SLC8A1: variants seen among roughly 807,000 people sequenced by gnomAD.
SLC8A1 encodes the protein solute carrier family 8 member A1.
In SLC8A1, 18 loss-of-function variants were observed where a neutral mutation model predicts 68.3. That is an observed-to-expected ratio of 0.26 (90% CI 0.18 to 0.39). The LOEUF (loss-of-function observed/expected upper bound fraction) is 0.39, where lower values mean the gene tolerates loss of function less well. Ranked by LOEUF, SLC8A1 falls within the 10% of genes least tolerant of loss-of-function variation. SLC8A1 has a pLI of 1.00. For missense variants in SLC8A1, 985 were observed against 1,156.7 expected (o/e 0.85, Z 2.15); for synonymous variants, 475 against 415.5 (o/e 1.14, Z -1.74).
At chr2:40,272,349 AAGGGAGATAAGG>A (rs2066149936) in intron 2 of SLC8A1, among the ~76,000 whole-genome samples, 1 of 152,124 alleles carries the variant, frequency 6.6e-6, no homozygotes, top group Non-Finnish European at 1.5e-5. Context: ...CCATTATGTG[AAGGGAGATAAGG>A]AGGGAGAAAG....
chr2:40,379,690 A>G (rs1317044804), intron 2 of SLC8A1, among the ~76,000 whole-genome samples: 2 of 151,150 alleles, frequency 1.3e-5, no homozygotes, highest in African/African-American at 4.9e-5. Flanking sequence ...CCGCATCACC[A>G]TCACCTTTGG....
At chr2:40,142,140 C>G (rs10205502) in intron 6 of SLC8A1, among the ~76,000 whole-genome samples, 30,035 of 152,106 alleles carry the variant, frequency 0.2, 3,199 homozygotes, top group African/African-American at 0.27. Context: ...GTTTCTATTA[C>G]CTACTCTTTT....
At chr2:40,509,132 C>G (rs1706544861) in intron 1 of SLC8A1, among the ~76,000 whole-genome samples, 1 of 152,162 alleles carries the variant, frequency 6.6e-6, no homozygotes, top group Non-Finnish European at 1.5e-5. Flanking sequence ...AATTTTCTTC[C>G]AATACCTTGT....
At chr2:40,363,139 C>T (rs970901557) in intron 2 of SLC8A1, among the ~76,000 whole-genome samples, 10 of 152,164 alleles carry the variant, frequency 6.6e-5, no homozygotes, top group African/African-American at 2.4e-4. Flanking sequence ...AAAGGTTTTA[C>T]TACTGAAGGT....
At chr2:40,294,457 C>A (rs938916827) in intron 2 of SLC8A1, among the ~76,000 whole-genome samples, 5 of 151,822 alleles carry the variant, frequency 3.3e-5, no homozygotes, top group African/African-American at 9.7e-5. Context: ...ATTCAGACAG[C>A]CATTAAAAAA....
intron 2 of SLC8A1, among the ~76,000 whole-genome samples, chr2:40,267,560 A>G (rs1395839179): frequency 1.3e-5 from 2 of 152,150 alleles, no homozygotes; most frequent in Non-Finnish European, 2.9e-5. Flanking sequence ...AAAGCAGGAA[A>G]TATGTGTATT....
chr2:40,315,254 T>A (rs2074278473), intron 2 of SLC8A1, among the ~76,000 whole-genome samples: 1 of 151,996 alleles, frequency 6.6e-6, no homozygotes. Flanking sequence ...GATGATCATA[T>A]GTTTTCCCTT....
chr2:40,115,236 T>A, exon 8 of SLC8A1: 1 of 1,544,756 alleles, frequency 6.5e-7, no homozygotes, highest in Non-Finnish European at 8.7e-7. Context: ...ATAAATTTAC[T>A]ATATCTGATA....
intron 2 of SLC8A1, among the ~76,000 whole-genome samples, chr2:40,281,930 A>G (rs2067587121): frequency 6.6e-6 from 1 of 152,142 alleles, no homozygotes; most frequent in African/African-American, 2.4e-5. Flanking sequence ...TCCTGGATTT[A>G]TCCTAATCTA....
intron 1 of SLC8A1, among the ~76,000 whole-genome samples, chr2:40,492,205 C>T (rs1483203496): frequency 6.6e-6 from 1 of 152,100 alleles, no homozygotes; most frequent in Non-Finnish European, 1.5e-5. Flanking sequence ...CTACAACTAT[C>T]TGATCTTTGA....
At chr2:40,327,700 A>G (rs72943142) in intron 2 of SLC8A1, among the ~76,000 whole-genome samples, 1,724 of 152,268 alleles carry the variant, frequency 0.011, 33 homozygotes, top group African/African-American at 0.039. Context: ...CTAGGAGCTA[A>G]ACATTGGGTA....
intron 2 of SLC8A1, among the ~76,000 whole-genome samples, chr2:40,299,062 C>T (rs1559142126): frequency 6.6e-6 from 1 of 150,394 alleles, no homozygotes; most frequent in Non-Finnish European, 1.5e-5. Context: ...TTCCAGGCTC[C>T]TGATTCTCAA....
At chr2:40,392,616 C>T (rs988753853) in intron 2 of SLC8A1, among the ~76,000 whole-genome samples, 3 of 152,086 alleles carry the variant, frequency 2.0e-5, no homozygotes, top group Middle Eastern at 3.2e-3. Context: ...TGTGCTTTTA[C>T]TAAAAATATC....
At chr2:40,512,190 A>G (rs1706781558) in intron 1 of SLC8A1, among the ~76,000 whole-genome samples, 1 of 152,052 alleles carries the variant, frequency 6.6e-6, no homozygotes, top group African/African-American at 2.4e-5. Flanking sequence ...GAGCTGTTAA[A>G]TACCTCTTAG....
At chr2:40,210,105 C>T (rs894371578) in intron 2 of SLC8A1, 2 of 152,174 alleles carry the variant, frequency 1.3e-5, no homozygotes, top group Non-Finnish European at 2.9e-5. Flanking sequence ...GCCTTTTAAA[C>T]ATCTATCTAT....
chr2:40,161,684 T>G (rs1415331759), intron 5 of SLC8A1, among the ~76,000 whole-genome samples: 1 of 152,184 alleles, frequency 6.6e-6, no homozygotes, highest in Non-Finnish European at 1.5e-5. Context: ...AGTAAGCAGA[T>G]GGACTGAAAG....
intron 2 of SLC8A1, among the ~76,000 whole-genome samples, chr2:40,271,262 C>T (rs967313153): frequency 1.3e-4 from 20 of 152,012 alleles, no homozygotes; most frequent in Admixed American, 1.3e-3. Context: ...TCCCCTCCCA[C>T]TCCTCTCCCA....
intron 2 of SLC8A1, among the ~76,000 whole-genome samples, chr2:40,361,887 C>CATTTTTTTTTTTTTTTTTT (rs1674732734): frequency 1.9e-5 from 1 of 53,104 alleles, no homozygotes; most frequent in African/African-American, 8.9e-5. Context: ...CTTTTCTTTC[C>CATTTTTTTTTTTTTTTTTT]TTTTTTTTTT....
At chr2:40,236,698 A>G (rs1160666906) in intron 2 of SLC8A1, among the ~76,000 whole-genome samples, 1 of 152,106 alleles carries the variant, frequency 6.6e-6, no homozygotes, top group East Asian at 1.9e-4. Context: ...CCTAGTCTCA[A>G]TGGTCTTTAC....
Sources: gnomAD v4.1 joint callset for allele counts (sites outside exome capture counted in the v4.1 genomes callset) on GRCh38, gnomAD v4.1.1 for gene constraint, MANE v1.5 for transcripts, NCBI Gene and HGNC (gene_info 2026-07-23, HGNC 2026-07-21) for gene names.